The following SEMA6D variants were observed in gnomAD, a reference collection of about 807,000 sequenced individuals.
SEMA6D encodes the protein semaphorin-6D.
SEMA6D carries 35 observed loss-of-function variants against 106.6 expected under a neutral mutation model. The observed-to-expected ratio is 0.33, with a 90% CI of 0.25 to 0.44. SEMA6D has a LOEUF of 0.44. Ranked by LOEUF, SEMA6D falls within the 20% of genes least tolerant of loss-of-function variation. The pLI is 1.00. For synonymous variants in SEMA6D, 499 were observed against 487.7 expected, an observed-to-expected ratio of 1.02 and a Z score of -0.31; for missense variants, 1,185 against 1,345.9, an observed-to-expected ratio of 0.88 and a Z score of 1.87.
chr15:47,406,943 CAA>C (rs1378702121), intron 1 of SEMA6D, among the ~76,000 whole-genome samples: 1 of 151,638 alleles, frequency 6.6e-6, no homozygotes, highest in Non-Finnish European at 1.5e-5. Context: ...CCTCAAAAAA[CAA>C]AAACAAAAAT....
intron 1 of SEMA6D, among the ~76,000 whole-genome samples, chr15:47,386,416 T>C (rs1164954373): frequency 6.6e-6 from 1 of 152,140 alleles, no homozygotes. Flanking sequence ...TGTATGAGCA[T>C]TCAGTTAGTG....
At chr15:47,667,151 C>T (rs919578437) in intron 4 of SEMA6D, among the ~76,000 whole-genome samples, 1 of 152,184 alleles carries the variant, frequency 6.6e-6, no homozygotes, top group Non-Finnish European at 1.5e-5. Context: ...ATGGCCTTTC[C>T]AAATTCCTGA....
chr15:47,476,925 G>C (rs1300667078), intron 3 of SEMA6D, among the ~76,000 whole-genome samples: 1 of 152,124 alleles, frequency 6.6e-6, no homozygotes. Context: ...AGAAACAGGA[G>C]ACCGTAATAC....
intron 1 of SEMA6D, chr15:47,274,097 C>G (rs1407010056): frequency 6.6e-6 from 1 of 152,008 alleles, no homozygotes; most frequent in Non-Finnish European, 1.5e-5. Flanking sequence ...TGGGCAACTC[C>G]GTTTGCATCT....
intron 1 of SEMA6D, among the ~76,000 whole-genome samples, chr15:47,229,710 A>G (rs1453523493): frequency 1.3e-5 from 2 of 152,164 alleles, no homozygotes; most frequent in Non-Finnish European, 2.9e-5. Context: ...GTTCCTTGAC[A>G]ATTACAGTCA....
chr15:47,766,609 A>G lies in SEMA6D; in HGVS notation c.1647-7A>G. ...ACCGAAGACTTCTTTGCTTTCCATA[A>G]CCACAGTGCTGAAGGATATGAACAA... On this transcript the variant is annotated splice_polypyrimidine_tract_variant and splice_region_variant and intron_variant, in intron 15 of 18. Transcript: ENST00000536845. 1 of 1,612,510 alleles carries G rather than the reference A, an allele frequency of 6.2e-7. No homozygotes were observed. The highest frequency in any genetic ancestry group is 8.5e-7 in the Non-Finnish European group (1 of 1,179,066).
intron 3 of SEMA6D, among the ~76,000 whole-genome samples, chr15:47,472,173 A>G (rs2042870118): frequency 6.6e-6 from 1 of 152,148 alleles, no homozygotes; most frequent in African/African-American, 2.4e-5. Flanking sequence ...TGCCATTTCG[A>G]TTCTCAAAGG....
chr15:47,475,818 G>A (rs1037798791), intron 3 of SEMA6D, among the ~76,000 whole-genome samples: 2 of 152,170 alleles, frequency 1.3e-5, no homozygotes, highest in Non-Finnish European at 2.9e-5. Flanking sequence ...ATATTGGACT[G>A]GATTACCCTT....
intron 1 of SEMA6D, among the ~76,000 whole-genome samples, chr15:47,379,589 T>C (rs281256): frequency 0.61 from 92,771 of 152,042 alleles, 30,170 homozygotes; most frequent in Non-Finnish European, 0.72. Flanking sequence ...GCAACAAAAA[T>C]ACAGATGAGA....
intron 1 of SEMA6D, among the ~76,000 whole-genome samples, chr15:47,398,774 C>T (rs547489013): frequency 1.2e-4 from 19 of 152,126 alleles, no homozygotes; most frequent in Middle Eastern, 3.4e-3. Flanking sequence ...CTGTCATCAC[C>T]CTCTCAGAAA....
At chr15:47,366,999 G>A (rs1271882377) in intron 1 of SEMA6D, among the ~76,000 whole-genome samples, 1 of 152,172 alleles carries the variant, frequency 6.6e-6, no homozygotes, top group Non-Finnish European at 1.5e-5. Flanking sequence ...TCAGAGCATG[G>A]ACTCTAGAAT....
intron 1 of SEMA6D, among the ~76,000 whole-genome samples, chr15:47,405,870 CT>C (rs1361128569): frequency 1.3e-5 from 2 of 152,160 alleles, no homozygotes; most frequent in Non-Finnish European, 2.9e-5. Context: ...TACCAAACCT[CT>C]TCCCAGCAGA....
intron 2 of SEMA6D, among the ~76,000 whole-genome samples, chr15:47,440,719 G>C (rs1247745207): frequency 1.3e-5 from 2 of 152,026 alleles, no homozygotes; most frequent in Non-Finnish European, 2.9e-5. Flanking sequence ...GAACAGAATA[G>C]AGGATTTTGT....
intron 1 of SEMA6D, among the ~76,000 whole-genome samples, chr15:47,239,457 C>T (rs2032767126): frequency 6.6e-6 from 1 of 152,176 alleles, no homozygotes; most frequent in Admixed American, 6.5e-5. Flanking sequence ...TCTACGAAAC[C>T]AGTCCCTGGT....
At chr15:47,722,982 G>A (rs2146372973) in intron 1 of SEMA6D, among the ~76,000 whole-genome samples, 1 of 152,258 alleles carries the variant, frequency 6.6e-6, no homozygotes, top group South Asian at 2.1e-4. Flanking sequence ...AAAGGTGGTA[G>A]GGGCAGGATT....
intron 1 of SEMA6D, among the ~76,000 whole-genome samples, chr15:47,185,501 C>T (rs2140879208): frequency 6.6e-6 from 1 of 152,240 alleles, no homozygotes; most frequent in East Asian, 1.9e-4. Flanking sequence ...TTTTCGCCCC[C>T]TCCCTCCTTT....
At chr15:47,554,601 T>C (rs74013809) in intron 3 of SEMA6D, among the ~76,000 whole-genome samples, 9,191 of 152,276 alleles carry the variant, frequency 0.06, 315 homozygotes, top group South Asian at 0.096. Flanking sequence ...GTCTCCATTT[T>C]GTCATCCTGC....
intron 1 of SEMA6D, among the ~76,000 whole-genome samples, chr15:47,196,357 C>T (rs1278545269): frequency 6.6e-6 from 1 of 152,138 alleles, no homozygotes; most frequent in African/African-American, 2.4e-5. Flanking sequence ...CTTTCTGAGC[C>T]ACTGTCTGAT....
At chr15:47,576,440 G>C (rs544204717) in intron 3 of SEMA6D, among the ~76,000 whole-genome samples, 50 of 152,272 alleles carry the variant, frequency 3.3e-4, no homozygotes, top group Non-Finnish European at 6.3e-4. Context: ...AGGTGGGGTG[G>C]TCTGATCAGC....
Sources: allele counts gnomAD v4.1 joint callset (sites outside exome capture counted in the v4.1 genomes callset), GRCh38; gene constraint gnomAD v4.1.1; transcripts MANE v1.5; gene names NCBI Gene and HGNC (gene_info 2026-07-23, HGNC 2026-07-21).